ENSA: variants seen among roughly 807,000 people sequenced by gnomAD.
ENSA encodes the protein endosulfine alpha, also known as alpha-endosulfine.
In ENSA, 7 loss-of-function variants were observed where a neutral mutation model predicts 16.8. That is an observed-to-expected ratio of 0.42 (90% confidence interval 0.24 to 0.78). ENSA has a LOEUF of 0.78. Ranked by LOEUF, ENSA falls within the 30% of genes least tolerant of loss-of-function variation. ENSA has a pLI of 0.29. For synonymous variants in ENSA, 58 were observed against 53.4 expected (o/e 1.09, Z -0.37); for missense variants, 87 against 142.3 (o/e 0.61, Z 1.98).
intron 3 of ENSA, chr1:150,623,825 G>C (rs1649122120): frequency 1.0e-6 from 1 of 985,648 alleles, no homozygotes; most frequent in Non-Finnish European, 1.2e-6. Context: ...TGGGGACCAG[G>C]GAGTCCAGGG....
chr1:150,629,266 T>C, intron 1 of ENSA, 148 bp downstream of exon 1: 1 of 1,507,334 alleles, frequency 6.6e-7, no homozygotes, highest in Non-Finnish European at 9.1e-7. Flanking sequence ...AAGCAGCATG[T>C]CGTGTTGAAG....
At position 150,629,522 on chromosome 1, in the gene ENSA, G is replaced by A. The variant is rs2101754359; in HGVS notation, c.-52C>T. ...GGGGCCCGGGAAGGCAACCGGAGAA[G>A]GGAAGGGGGAGGGGAAACGGGGACA... On this transcript the variant is annotated 5_prime_UTR_variant, in exon 1 of 4. Transcript: ENST00000369014. 1.3e-6 allele frequency: 2 copies of A among 1,595,792 alleles called. No homozygotes were observed. Among genetic ancestry groups the A allele is most frequent in the Non-Finnish European group, 1.7e-6 (2 of 1,172,368 alleles).
chr1:150,627,585 T>C lies in ENSA; in HGVS notation c.65A>G (p.Gln22Arg). 1 of 1,607,976 alleles carries C rather than the reference T, an allele frequency of 6.2e-7. No homozygotes were observed. The highest frequency in any genetic ancestry group is 8.5e-7 in the Non-Finnish European group (1 of 1,178,266). ...EETGEEKQDT[Q>R]EKEGILPERA... Reference sequence around the variant, plus strand: ...CTCAGGCAGAATACCTTCTTTCTCCTGCGTGTCCTGGAGAAAACAAATGAG... The same window carrying C: ...CTCAGGCAGAATACCTTCTTTCTCCCGCGTGTCCTGGAGAAAACAAATGAG... Residue 22 changes from glutamine (Q) to arginine (R), a missense_variant, in exon 2 of 4, where the codon CAG becomes CGG. Coordinates refer to ENST00000369014, the MANE Select transcript of ENSA (RefSeq NM_004436.4).
downstream of ENSA, chr1:150,621,831 A>G (rs1315281452): frequency 1.3e-5 from 2 of 152,148 alleles, no homozygotes; most frequent in African/African-American, 2.4e-5. Flanking sequence ...AGACAGAGGG[A>G]AAAGGAGACT....
At position 150,622,878 on chromosome 1, in the gene ENSA, GAA is replaced by G. The variant is rs76738351; in HGVS notation, c.351-21_351-20del. On this transcript the variant is annotated intron_variant, in intron 3 of 3. Coordinates refer to ENST00000369014, the MANE Select transcript of ENSA (RefSeq NM_004436.4). ...TTGGCCACTGCGGACGAACACAGAA[GAA>G]AAAAAAAAAAAACAACACTGTCAAG... 184 of 1,237,818 alleles carry G rather than the reference GAA, an allele frequency of 1.5e-4. No homozygotes were observed. Among genetic ancestry groups the G allele is most frequent in the Admixed American group, 4.4e-4 (15 of 34,432 alleles). The allele number at this position is 1,237,818 out of a possible 1,614,324, so 76.7% of individuals were successfully genotyped here.
At chr1:150,626,677 C>G in intron 2 of ENSA, 1 of 547,826 alleles carries the variant, frequency 1.8e-6, no homozygotes, top group Admixed American at 3.0e-5. Flanking sequence ...CTGCTTCAGC[C>G]TCCCGAGTAG....
rs1379412271 is a variant in ENSA at position 150,622,800 on chromosome 1, A to C, written c.*44T>G. On this transcript the variant is annotated 3_prime_UTR_variant, in exon 4 of 4. Transcript: ENST00000369014. ...AGCCAGCACAGGACCCGGGTGGGGCAGGGAGGGGAAGCGTCTCAGGATCTG... is the reference window on the plus strand; with the variant it reads ...AGCCAGCACAGGACCCGGGTGGGGCCGGGAGGGGAAGCGTCTCAGGATCTG... 1.4e-6 allele frequency: 2 copies of C among 1,462,880 alleles called. No individual in the cohort carries two copies. Among genetic ancestry groups the C allele is most frequent in the South Asian group, 2.4e-5 (2 of 83,130 alleles). The allele number at this position is 1,462,880 out of a possible 1,614,324, so 90.6% of individuals were successfully genotyped here. A position where few individuals can be genotyped will look rare whatever the true frequency, so the allele number is the denominator to read the frequency against.
intron 1 of ENSA, among the ~76,000 whole-genome samples, chr1:150,628,503 T>C (rs587643884): frequency 2.0e-4 from 31 of 152,256 alleles, no homozygotes; most frequent in African/African-American, 7.5e-4. Context: ...AATCTCTTTT[T>C]TTTTTTTTTG....
intron 2 of ENSA, chr1:150,627,109 C>T: frequency 7.1e-7 from 1 of 1,398,986 alleles, no homozygotes; most frequent in South Asian, 1.7e-5. Context: ...TGAAATGATG[C>T]ATCCCAAAAT....
intron 3 of ENSA, chr1:150,624,053 G>C (rs1363439105): frequency 1.0e-6 from 1 of 985,422 alleles, no homozygotes; most frequent in Non-Finnish European, 1.2e-6. Flanking sequence ...TTGCTCTCTT[G>C]AGCATTAGTT....
At position 150,627,463 on chromosome 1, in the gene ENSA, A is replaced by G; in HGVS notation, c.183+4T>C. The G allele has an allele frequency of 1.9e-6, 3 of 1,614,220 alleles. No individual in the cohort carries two copies. The highest frequency in any genetic ancestry group is 1.7e-6 in the Non-Finnish European group (2 of 1,180,038). ...GAAAGAGGGTAAGAGACTATGCCCC[A>G]TACCCCTTTCTGGAGTCTCTTCATG... On this transcript the variant is annotated splice_donor_region_variant and intron_variant, in intron 2 of 3. Transcript: ENST00000369014.
Position 150,622,655 on chromosome 1 carries a change from C to CT in ENSA, c.*188dup. On this transcript the variant is annotated 3_prime_UTR_variant, in exon 4 of 4. Transcript: ENST00000369014. ...AGGTAAAACAAAAAAGGTTCAAGGT[C>CT]TTGGTGCTCAGCCCAAGGGGCTCCA... 1 of 280,950 alleles carries CT rather than the reference C, an allele frequency of 3.6e-6. No homozygotes were observed. Among genetic ancestry groups the CT allele is most frequent in the African/African-American group, 2.5e-5 (1 of 40,700 alleles). The allele number at this position is 280,950 out of a possible 1,614,324, so 17.4% of individuals were successfully genotyped here. A position where few individuals can be genotyped will look rare whatever the true frequency, so the allele number is the denominator to read the frequency against.
chr1:150,623,514 A>ATT (rs1557768105), intron 3 of ENSA: 1 of 985,632 alleles, frequency 1.0e-6, no homozygotes, highest in Non-Finnish European at 1.2e-6. Context: ...AATCAGACTC[A>ATT]TTGTGACCAG....
downstream of ENSA, chr1:150,621,571 C>T (rs955456424): frequency 2.0e-5 from 3 of 152,174 alleles, no homozygotes; most frequent in South Asian, 2.1e-4. Flanking sequence ...ACCGTACACC[C>T]GCTGGAGTTT....
intron 2 of ENSA, chr1:150,627,171 C>T: frequency 6.8e-7 from 1 of 1,478,504 alleles, no homozygotes; most frequent in Non-Finnish European, 8.9e-7. Context: ...AACATTCAAA[C>T]AGGCAAATGC....
At position 150,622,878 on chromosome 1, in the gene ENSA, G is replaced by GAAA. The variant is rs76738351; in HGVS notation, c.351-22_351-20dup. 2.3e-4 allele frequency: 285 copies of GAAA among 1,240,314 alleles called. No homozygotes were observed. The highest frequency in any genetic ancestry group is 7.5e-4 in the Admixed American group (26 of 34,442). 76.8% of individuals were successfully genotyped at this position (1,240,314 alleles called of 1,614,324 possible). A position where few individuals can be genotyped will look rare whatever the true frequency, so the allele number is the denominator to read the frequency against. On this transcript the variant is annotated intron_variant, in intron 3 of 3. Coordinates refer to ENST00000369014, the MANE Select transcript of ENSA (RefSeq NM_004436.4). The stretch of plus-strand genomic sequence containing the variant: ...TTGGCCACTGCGGACGAACACAGAA[G>GAAA]AAAAAAAAAAAAAACAACACTGTCA...
intron 3 of ENSA, 137 bp from the exon 4 acceptor site, chr1:150,622,996 A>G: frequency 8.4e-7 from 1 of 1,193,996 alleles, no homozygotes; most frequent in South Asian, 1.7e-5. Flanking sequence ...GGCATGTCTC[A>G]ATCCTATCCA....
chr1:150,624,847 G>A (rs773004435), intron 3 of ENSA: 1,104 of 974,586 alleles, frequency 1.1e-3, no homozygotes, highest in Non-Finnish European at 1.3e-3. Flanking sequence ...TACAGATGAG[G>A]AAATAGAAAT....
intron 1 of ENSA, chr1:150,628,905 T>C: frequency 2.8e-6 from 2 of 709,330 alleles, no homozygotes; most frequent in Non-Finnish European, 4.8e-6. Context: ...GCTACTAAAA[T>C]AGGTCTCTTG....
Sources: allele counts gnomAD v4.1 joint callset (sites outside exome capture counted in the v4.1 genomes callset), GRCh38; gene constraint gnomAD v4.1.1; transcripts MANE v1.5; gene names NCBI Gene and HGNC (gene_info 2026-07-23, HGNC 2026-07-21).